TRHDE: variants seen among roughly 807,000 people sequenced by gnomAD.
The protein encoded by TRHDE is thyrotropin-releasing hormone-degrading ectoenzyme.
A neutral mutation model predicts 125.7 loss-of-function variants in TRHDE; 72 were observed. The observed-to-expected ratio is 0.57, with a 90% CI of 0.47 to 0.70. The LOEUF (loss-of-function observed/expected upper bound fraction) is 0.70. Ranked by LOEUF, TRHDE falls within the 30% of genes least tolerant of loss-of-function variation. The pLI, the probability that TRHDE is intolerant of heterozygous loss-of-function variation, is 0.00. For missense variants in TRHDE, 1,110 were observed against 1,327.1 expected, an observed-to-expected ratio of 0.84 and a Z score of 2.54; for synonymous variants, 509 against 509.1, an observed-to-expected ratio of 1.00 and a Z score of 0.00.
At chr12:72,266,375 TC>T (rs1879070010) in intron 2 of TRHDE, among the ~76,000 whole-genome samples, 1 of 151,906 alleles carries the variant, frequency 6.6e-6, no homozygotes, top group Non-Finnish European at 1.5e-5. Context: ...AGAGGTAGAT[TC>T]CTAAAGCATG....
chr12:72,526,017 G>C (rs1344312675), intron 6 of TRHDE, among the ~76,000 whole-genome samples: 1 of 151,642 alleles, frequency 6.6e-6, no homozygotes, highest in African/African-American at 2.4e-5. Context: ...TAAAACTTTT[G>C]TACATTTGAA....
chr12:72,095,269 A>G (rs540570445), intron 1 of TRHDE, among the ~76,000 whole-genome samples: 3 of 152,244 alleles, frequency 2.0e-5, no homozygotes, highest in Non-Finnish European at 4.4e-5. Flanking sequence ...TCAGCAGCAC[A>G]TGTCCTACTT....
chr12:72,514,726 C>T (rs553627785), intron 6 of TRHDE, among the ~76,000 whole-genome samples: 17 of 150,716 alleles, frequency 1.1e-4, no homozygotes, highest in East Asian at 9.9e-4. Flanking sequence ...CATGCTGGTG[C>T]GCTGCACCCA....
At chr12:72,561,857 A>G (rs1870193744) in intron 7 of TRHDE, among the ~76,000 whole-genome samples, 1 of 152,142 alleles carries the variant, frequency 6.6e-6, no homozygotes, top group African/African-American at 2.4e-5. Context: ...TTGAAGAGGT[A>G]GTGTTTTCAG....
intron 2 of TRHDE, among the ~76,000 whole-genome samples, chr12:72,376,265 C>T (rs1015938480): frequency 6.6e-6 from 1 of 152,184 alleles, no homozygotes; most frequent in Non-Finnish European, 1.5e-5. Context: ...CTCCATTTTC[C>T]TGCTTCCCCC....
chr12:72,580,410 T>A (rs1490945042), intron 12 of TRHDE, among the ~76,000 whole-genome samples: 2 of 152,214 alleles, frequency 1.3e-5, no homozygotes, highest in East Asian at 3.9e-4. Context: ...GTAACTAAAA[T>A]GCCTAGATAT....
intron 1 of TRHDE, among the ~76,000 whole-genome samples, chr12:72,096,936 G>T (rs1308663757): frequency 6.6e-6 from 1 of 152,162 alleles, no homozygotes; most frequent in Non-Finnish European, 1.5e-5. Flanking sequence ...CCACTTAAGA[G>T]CATGGCAGAA....
intron 12 of TRHDE, among the ~76,000 whole-genome samples, chr12:72,594,817 A>G (rs1261522245): frequency 6.6e-6 from 1 of 151,956 alleles, no homozygotes; most frequent in Non-Finnish European, 1.5e-5. Context: ...ATGCACACGT[A>G]TGTTTATTTG....
intron 4 of TRHDE, among the ~76,000 whole-genome samples, chr12:72,470,523 T>G (rs954313164): frequency 6.6e-6 from 1 of 152,196 alleles, no homozygotes; most frequent in Non-Finnish European, 1.5e-5. Flanking sequence ...TTTCTCACAA[T>G]GAATGGAAGG....
rs556900462 is a variant in TRHDE at position 72,542,965 on chromosome 12, A to G, written c.1788+609A>G. ...AAGATTATTAAACTTCTTAAAGCAG[A>G]CACAAGTATACTGAAAAAACTTTTA... is the stretch of plus-strand genomic sequence containing the variant. On this transcript the variant is annotated intron_variant, in intron 7 of 18. Coordinates refer to ENST00000261180, the MANE Select transcript of TRHDE (RefSeq NM_013381.3). Among the ~76,000 whole-genome samples, 7 of 151,460 alleles carry G rather than the reference A, an allele frequency of 4.6e-5. No homozygotes were observed. The South Asian group carries it at 1.5e-3, about 31-fold the overall frequency.
Position 72,469,805 on chromosome 12 carries a change from G to A in TRHDE, c.1363G>A (p.Gly455Arg). 1 of 1,613,974 alleles carries A rather than the reference G, an allele frequency of 6.2e-7. No homozygotes were observed. Among genetic ancestry groups the A allele is most frequent in the Non-Finnish European group, 8.5e-7 (1 of 1,179,954 alleles). ...KHPYAAMENW[G>R]LSIFVEQRIL... is the part of the protein sequence containing the mutation. ...TCCGTATGCTGCTATGGAGAACTGG[G>A]GACTAAGTATTTTTGTGGAACAAAG... The change falls in exon 4 of 19, where the codon GGA (glycine) becomes AGA (arginine). Residue 455 changes from glycine (G) to arginine (R), a missense_variant. Gly to Arg is a moderately radical substitution (Grantham distance 125). Coordinates refer to ENST00000261180, the MANE Select transcript of TRHDE (RefSeq NM_013381.3).
chr12:72,455,952 A>C (rs1404312339), intron 3 of TRHDE, among the ~76,000 whole-genome samples: 1 of 151,884 alleles, frequency 6.6e-6, no homozygotes, highest in Admixed American at 6.6e-5. Flanking sequence ...GAGTTTGCCA[A>C]AATTTGGCTA....
At chr12:72,301,513 AG>A (rs2135687360) in intron 2 of TRHDE, among the ~76,000 whole-genome samples, 1 of 152,334 alleles carries the variant, frequency 6.6e-6, no homozygotes, top group East Asian at 1.9e-4. Context: ...AGAAGGCTAT[AG>A]AGGAGTCAAG....
chr12:72,520,250 C>T (rs1487827212), intron 6 of TRHDE, among the ~76,000 whole-genome samples: 9 of 152,204 alleles, frequency 5.9e-5, no homozygotes, highest in Non-Finnish European at 8.8e-5. Context: ...CTCGCTGCTG[C>T]CTTGCAGTTT....
chr12:72,318,134 A>G (rs1449281452), intron 2 of TRHDE, among the ~76,000 whole-genome samples: 1 of 152,178 alleles, frequency 6.6e-6, no homozygotes, highest in Non-Finnish European at 1.5e-5. Context: ...ATGTGCTTCA[A>G]TGAGGGAAAA....
At chr12:72,604,862 A>T (rs1405452987) in intron 12 of TRHDE, among the ~76,000 whole-genome samples, 1 of 152,076 alleles carries the variant, frequency 6.6e-6, no homozygotes, top group Non-Finnish European at 1.5e-5. Context: ...CACTATTAGA[A>T]CATGGTAAAT....
At chr12:72,603,598 G>T (rs558849899) in intron 12 of TRHDE, among the ~76,000 whole-genome samples, 4 of 152,134 alleles carry the variant, frequency 2.6e-5, no homozygotes, top group East Asian at 3.9e-4. Flanking sequence ...GGTGGCAGGC[G>T]CCTGTAGTCC....
At chr12:72,411,558 C>A (rs1265050918) in intron 3 of TRHDE, among the ~76,000 whole-genome samples, 6 of 151,952 alleles carry the variant, frequency 3.9e-5, no homozygotes. Flanking sequence ...AGTTCTATCT[C>A]AGTTGAGACA....
chr12:72,391,799 C>T (rs1017588099), intron 3 of TRHDE, among the ~76,000 whole-genome samples: 2 of 152,074 alleles, frequency 1.3e-5, no homozygotes, highest in Non-Finnish European at 1.5e-5. Context: ...GTGGACAAAA[C>T]CAACATTCCA....
Sources: gnomAD v4.1 joint callset for allele counts (sites outside exome capture counted in the v4.1 genomes callset) on GRCh38, gnomAD v4.1.1 for gene constraint, MANE v1.5 for transcripts, NCBI Gene and HGNC (gene_info 2026-07-23, HGNC 2026-07-21) for gene names.